EXOC6B: variants seen among roughly 807,000 people sequenced by gnomAD.
EXOC6B encodes the protein exocyst complex component 6B.
Under a neutral mutation model 113.5 loss-of-function variants are expected in EXOC6B, and 54 were observed. The observed-to-expected ratio is 0.48, with a 90% CI of 0.38 to 0.60. EXOC6B has a LOEUF of 0.60. Among genes scored for constraint, EXOC6B ranks in the 20% least tolerant of loss-of-function variants. The pLI is 0.00. For synonymous variants in EXOC6B, 357 were observed against 339.0 expected (o/e 1.05, Z -0.58); for missense variants, 797 against 977.5 (o/e 0.82, Z 2.46).
At chr2:72,537,900 A>T (rs1025323160) in intron 8 of EXOC6B, among the ~76,000 whole-genome samples, 1 of 152,092 alleles carries the variant, frequency 6.6e-6, no homozygotes, top group Admixed American at 6.5e-5. Context: ...AGATTAAAAG[A>T]GGGCTCAATA....
intron 20 of EXOC6B, among the ~76,000 whole-genome samples, chr2:72,214,314 C>G (rs1157959609): frequency 1.5e-5 from 2 of 136,802 alleles, no homozygotes; most frequent in African/African-American, 2.5e-5. Context: ...GGTGAAACCC[C>G]GTCTCTACTA....
chr2:72,291,989 T>C (rs1282810032), intron 20 of EXOC6B, among the ~76,000 whole-genome samples: 1 of 152,222 alleles, frequency 6.6e-6, no homozygotes, highest in Non-Finnish European at 1.5e-5. Flanking sequence ...CAAAGGTTAA[T>C]ACAGAACAGA....
intron 20 of EXOC6B, among the ~76,000 whole-genome samples, chr2:72,198,959 C>T (rs1466724015): frequency 1.3e-5 from 2 of 152,292 alleles, no homozygotes; most frequent in South Asian, 2.1e-4. Flanking sequence ...CATTGCCTGG[C>T]TTTCCTAGCC....
In EXOC6B at chr2:72,652,048, T is replaced by C. The variant is rs565267679; in HGVS notation, c.669+66055A>G. Among the ~76,000 whole-genome samples the C allele has an allele frequency of 2.0e-5, 3 of 152,274 alleles. No homozygotes were observed. In the East Asian group the frequency reaches 5.8e-4, roughly 29 times the overall value. On this transcript the variant is annotated intron_variant, in intron 6 of 21. Coordinates refer to ENST00000272427, the MANE Select transcript of EXOC6B (RefSeq NM_015189.3). ...TTTCTAAATAATCTGTGATCTCTAG[T>C]TTCAAATTTATTAATTTTACAAATT...
intron 18 of EXOC6B, among the ~76,000 whole-genome samples, chr2:72,445,967 C>T (rs537160438): frequency 1.3e-5 from 2 of 152,192 alleles, no homozygotes; most frequent in Non-Finnish European, 2.9e-5. Flanking sequence ...GTCAGAATGA[C>T]TATTATTAAA....
At position 72,460,677 on chromosome 2, in the gene EXOC6B, AG is replaced by A. The variant is rs377172341; in HGVS notation, c.1980+4482del. On this transcript the variant is annotated intron_variant, in intron 18 of 21. Transcript: ENST00000272427. ...AATGAGATACCATCTCACACCAGTT[AG>A]AATGGCAATCATTAAAAAATCAGGA... Among the ~76,000 whole-genome samples, 87 of 152,350 alleles carry A rather than the reference AG, an allele frequency of 5.7e-4. 3 individuals carry two copies. In the East Asian group the frequency reaches 0.011, roughly 20 times the overall value.
At chr2:72,554,369 T>G (rs1282101989) in intron 8 of EXOC6B, among the ~76,000 whole-genome samples, 1 of 152,214 alleles carries the variant, frequency 6.6e-6, no homozygotes, top group African/African-American at 2.4e-5. Flanking sequence ...TTTGGCTCTG[T>G]GTCCCCAACC....
intron 7 of EXOC6B, among the ~76,000 whole-genome samples, chr2:72,573,169 T>C (rs1328767164): frequency 6.6e-6 from 1 of 152,232 alleles, no homozygotes; most frequent in East Asian, 1.9e-4. Flanking sequence ...TCCTTTCATA[T>C]ATCATGGTTT....
chr2:72,687,527 C>A (rs770614969), intron 6 of EXOC6B, among the ~76,000 whole-genome samples: 23 of 151,726 alleles, frequency 1.5e-4, no homozygotes, highest in Non-Finnish European at 3.1e-4. Context: ...GAAAAACCAA[C>A]AGCAACAAAA....
chr2:72,224,817 T>TGCGC (rs1553468171), intron 20 of EXOC6B, among the ~76,000 whole-genome samples: 1 of 146,614 alleles, frequency 6.8e-6, no homozygotes, highest in African/African-American at 2.5e-5. Flanking sequence ...TGTGTGTGTG[T>TGCGC]GTGCGTGTGT....
intron 6 of EXOC6B, among the ~76,000 whole-genome samples, chr2:72,708,932 C>G (rs1319778871): frequency 1.2e-5 from 1 of 83,132 alleles, no homozygotes; most frequent in African/African-American, 4.6e-5. Context: ...TTTGTAGAGA[C>G]AAAGTCTTAC....
chr2:72,783,977 G>C (rs923195484), intron 1 of EXOC6B, among the ~76,000 whole-genome samples: 1 of 152,132 alleles, frequency 6.6e-6, no homozygotes, highest in Non-Finnish European at 1.5e-5. Context: ...ATAGTTTCAG[G>C]TCTTATGTTT....
chr2:72,496,363 A>T, intron 14 of EXOC6B, 91 bp downstream of exon 14: 1 of 739,606 alleles, frequency 1.4e-6, no homozygotes, highest in Non-Finnish European at 2.4e-6. Flanking sequence ...CCATTGAGTT[A>T]AAGGTAATGC....
At chr2:72,313,414 T>C (rs1687329091) in intron 20 of EXOC6B, among the ~76,000 whole-genome samples, 1 of 151,928 alleles carries the variant, frequency 6.6e-6, no homozygotes, top group Admixed American at 6.6e-5. Context: ...TAACAAAAAA[T>C]ATAGGGGATG....
At chr2:72,288,929 G>A (rs1185047031) in intron 20 of EXOC6B, 1 of 224,604 alleles carries the variant, frequency 4.5e-6, no homozygotes, top group Non-Finnish European at 9.0e-6. Flanking sequence ...AACCTCACAA[G>A]CAGGCTAAAC....
Position 72,207,952 on chromosome 2 carries a change from A to G in EXOC6B, c.2197-23765T>C, listed in dbSNP as rs544330690. Among the ~76,000 whole-genome samples the G allele has an allele frequency of 1.7e-4, 26 of 152,316 alleles. 1 individual carries two copies. In the South Asian group the frequency reaches 4.8e-3, roughly 28 times the overall value. On this transcript the variant is annotated intron_variant, in intron 20 of 21. Transcript: ENST00000272427. The stretch of plus-strand genomic sequence containing the variant: ...TATAGTTCACAAAATGTTTTCAAAT[A>G]TATTCTCATTTTTCGGTTCAAACAC...
At chr2:72,620,878 G>A (rs565437737) in intron 6 of EXOC6B, among the ~76,000 whole-genome samples, 1 of 151,786 alleles carries the variant, frequency 6.6e-6, no homozygotes, top group Non-Finnish European at 1.5e-5. Context: ...AGAAATATAA[G>A]CAACCAACAA....
chr2:72,394,951 C>T (rs936467953), intron 18 of EXOC6B, among the ~76,000 whole-genome samples: 3 of 152,046 alleles, frequency 2.0e-5, no homozygotes, highest in South Asian at 2.1e-4. Flanking sequence ...GATGCCAGAT[C>T]CCCAATCCAA....
At chr2:72,319,841 CTTT>C (rs150881201) in intron 20 of EXOC6B, among the ~76,000 whole-genome samples, 1 of 146,776 alleles carries the variant, frequency 6.8e-6, no homozygotes, top group Admixed American at 6.8e-5. Flanking sequence ...TATCAGCAAG[CTTT>C]TTTTTTTTTG....
Sources: gnomAD v4.1 joint callset for allele counts (sites outside exome capture counted in the v4.1 genomes callset) on GRCh38, gnomAD v4.1.1 for gene constraint, MANE v1.5 for transcripts, NCBI Gene and HGNC (gene_info 2026-07-23, HGNC 2026-07-21) for gene names.